The following ANGPT1 variants were observed in gnomAD, a reference collection of about 807,000 sequenced individuals.
ANGPT1 encodes the protein angiopoietin-1.
ANGPT1 carries 17 observed loss-of-function variants against 62.2 expected under a neutral mutation model. The observed-to-expected ratio is 0.27, with a 90% CI of 0.19 to 0.41. The LOEUF is 0.41. Ranked by LOEUF, ANGPT1 falls within the 10% of genes least tolerant of loss-of-function variation. The pLI, the probability that ANGPT1 is intolerant of heterozygous loss-of-function variation, is 1.00. For synonymous variants in ANGPT1, 199 were observed against 198.9 expected (o/e 1.00, Z 0.00); for missense variants, 478 against 594.9 (o/e 0.80, Z 2.04).
At position 107,252,018 on chromosome 8, in the gene ANGPT1, G is replaced by A; in HGVS notation, c.1337-3C>T. On this transcript the variant is annotated splice_region_variant and splice_polypyrimidine_tract_variant and intron_variant, in intron 8 of 8. Transcript: ENST00000517746. ...GCCACAAGCATCAAACCACCATCCT[G>A]AAAAAATAATTCATAATAGAAGAGA... 1 of 1,609,092 alleles carries A rather than the reference G, an allele frequency of 6.2e-7. No individual in the cohort carries two copies. The highest frequency in any genetic ancestry group is 8.5e-7 in the Non-Finnish European group (1 of 1,178,128).
intron 5 of ANGPT1, among the ~76,000 whole-genome samples, chr8:107,299,419 AT>A (rs1455755680): frequency 4.9e-5 from 7 of 142,050 alleles, no homozygotes; most frequent in South Asian, 4.4e-4. Flanking sequence ...ATATATATAT[AT>A]AAACATACAT....
chr8:107,473,369 G>A (rs1196613330), intron 1 of ANGPT1, among the ~76,000 whole-genome samples: 4 of 151,838 alleles, frequency 2.6e-5, no homozygotes, highest in South Asian at 2.1e-4. Flanking sequence ...ATGATGAAAA[G>A]CATTTCACAG....
intron 1 of ANGPT1, among the ~76,000 whole-genome samples, chr8:107,421,083 T>C (rs928562546): frequency 6.6e-6 from 1 of 152,180 alleles, no homozygotes; most frequent in African/African-American, 2.4e-5. Context: ...CATTTCTATC[T>C]CATCAGTTTT....
intron 1 of ANGPT1, among the ~76,000 whole-genome samples, chr8:107,400,651 C>A (rs941175316): frequency 6.6e-6 from 1 of 151,806 alleles, no homozygotes; most frequent in African/African-American, 2.4e-5. Flanking sequence ...CCTCCACCTC[C>A]CAGGTTCATG....
chr8:107,433,576 A>G (rs1811252132), intron 1 of ANGPT1, among the ~76,000 whole-genome samples: 1 of 152,224 alleles, frequency 6.6e-6, no homozygotes, highest in Non-Finnish European at 1.5e-5. Context: ...CTAGAAAATT[A>G]CTGGATTGAA....
chr8:107,459,451 T>C (rs1812007575), intron 1 of ANGPT1, among the ~76,000 whole-genome samples: 1 of 150,662 alleles, frequency 6.6e-6, no homozygotes. Context: ...ATCGTGCCAC[T>C]GCACTCCAGC....
chr8:107,388,276 A>G (rs1295949094), intron 1 of ANGPT1, among the ~76,000 whole-genome samples: 2 of 152,088 alleles, frequency 1.3e-5, no homozygotes, highest in East Asian at 3.9e-4. Context: ...TTAGCTGGAC[A>G]TGGTGGCATG....
At chr8:107,325,010 T>G (rs528349106) in intron 3 of ANGPT1, among the ~76,000 whole-genome samples, 1 of 152,310 alleles carries the variant, frequency 6.6e-6, no homozygotes, top group South Asian at 2.1e-4. Flanking sequence ...AATGAAAAAC[T>G]TAGGCAAGGT....
chr8:107,465,009 G>T (rs1385880649), intron 1 of ANGPT1, among the ~76,000 whole-genome samples: 1 of 152,096 alleles, frequency 6.6e-6, no homozygotes, highest in Non-Finnish European at 1.5e-5. Flanking sequence ...GCTGAAAAAG[G>T]TAGTTATAAT....
chr8:107,331,683 T>C (rs564171281), intron 3 of ANGPT1, among the ~76,000 whole-genome samples: 1 of 152,186 alleles, frequency 6.6e-6, no homozygotes, highest in Non-Finnish European at 1.5e-5. Flanking sequence ...GTTGGAGGAT[T>C]GGAAATAGTA....
At chr8:107,333,725 C>T (rs1241623820) in intron 3 of ANGPT1, among the ~76,000 whole-genome samples, 2 of 151,830 alleles carry the variant, frequency 1.3e-5, no homozygotes, top group Non-Finnish European at 2.9e-5. Context: ...TGAGAGCTTG[C>T]ACCCTAACTC....
At chr8:107,279,832 T>A (rs969016491) in intron 7 of ANGPT1, among the ~76,000 whole-genome samples, 1 of 152,052 alleles carries the variant, frequency 6.6e-6, no homozygotes, top group South Asian at 2.1e-4. Flanking sequence ...TAATGACTTA[T>A]AACAGGATTT....
At chr8:107,419,672 G>A (rs1423974344) in intron 1 of ANGPT1, among the ~76,000 whole-genome samples, 3 of 152,078 alleles carry the variant, frequency 2.0e-5, no homozygotes, top group African/African-American at 7.2e-5. Context: ...GACCCCGGGA[G>A]AGTTGAGGAA....
At chr8:107,304,392 AATTAAG>A (rs1485856754) in intron 4 of ANGPT1, among the ~76,000 whole-genome samples, 12 of 151,644 alleles carry the variant, frequency 7.9e-5, no homozygotes, top group African/African-American at 2.7e-4. Context: ...TTTTTCTAGA[AATTAAG>A]ATTAAGACTA....
chr8:107,424,013 G>C (rs1331062516), intron 1 of ANGPT1, among the ~76,000 whole-genome samples: 1 of 151,240 alleles, frequency 6.6e-6, no homozygotes, highest in African/African-American at 2.4e-5. Context: ...GCTAATTTTT[G>C]TATTTTTAGT....
Position 107,322,148 on chromosome 8 carries a change from A to C in ANGPT1, c.576-20T>G, listed in dbSNP as rs1815168384. 1.3e-6 allele frequency: 2 copies of C among 1,559,976 alleles called. No individual in the cohort carries two copies. The highest frequency in any genetic ancestry group is 1.7e-6 in the Non-Finnish European group (2 of 1,145,334). ...AATAAACTACAAGGAAGTGAAAATA[A>C]AACTTAGATTTGAAAAAATGTTATA... On this transcript the variant is annotated intron_variant, in intron 3 of 8. Transcript: ENST00000517746.
intron 1 of ANGPT1, among the ~76,000 whole-genome samples, chr8:107,491,211 T>C (rs1812945083): frequency 1.3e-5 from 2 of 152,046 alleles, no homozygotes; most frequent in Non-Finnish European, 1.5e-5. Context: ...ATGTACCTCA[T>C]AGAGCATAGT....
chr8:107,353,748 G>T (rs563569982), intron 1 of ANGPT1, among the ~76,000 whole-genome samples: 1 of 152,290 alleles, frequency 6.6e-6, no homozygotes, highest in South Asian at 2.1e-4. Context: ...TGTGTACTAA[G>T]CCTGGTGCCA....
chr8:107,313,432 T>TTTG (rs1814927250), intron 4 of ANGPT1, among the ~76,000 whole-genome samples: 1 of 77,200 alleles, frequency 1.3e-5, no homozygotes, highest in Non-Finnish European at 2.4e-5. Flanking sequence ...ACTAGTTGTT[T>TTTG]TTTTTTTTTT....
Sources: allele counts gnomAD v4.1 joint callset (sites outside exome capture counted in the v4.1 genomes callset), GRCh38; gene constraint gnomAD v4.1.1; transcripts MANE v1.5; gene names NCBI Gene and HGNC (gene_info 2026-07-23, HGNC 2026-07-21).